The following L2HGDH variants were observed in gnomAD, a reference collection of about 807,000 sequenced individuals.
The protein encoded by L2HGDH is L-2-hydroxyglutarate dehydrogenase, also known as L-2-hydroxyglutarate dehydrogenase, mitochondrial.
Under a neutral mutation model 51.5 loss-of-function variants are expected in L2HGDH, and 34 were observed. That is an observed-to-expected ratio of 0.66 (90% CI 0.50 to 0.88). L2HGDH has a LOEUF of 0.88. Ranked by LOEUF, L2HGDH falls within the 40% of genes least tolerant of loss-of-function variation. The pLI is 0.00. For synonymous variants in L2HGDH, 198 were observed against 197.9 expected (o/e 1.00, Z -0.01); for missense variants, 558 against 571.9 (o/e 0.98, Z 0.25).
At chr14:50,286,699 T>C (rs530538518) in intron 4 of L2HGDH, among the ~76,000 whole-genome samples, 66 of 152,358 alleles carry the variant, frequency 4.3e-4, no homozygotes, top group African/African-American at 1.5e-3. Context: ...TGGAATCATA[T>C]AAAGTATATA....
intron 5 of L2HGDH, among the ~76,000 whole-genome samples, chr14:50,279,277 T>G (rs2140006261): frequency 6.6e-6 from 1 of 152,086 alleles, no homozygotes; most frequent in African/African-American, 2.4e-5. Flanking sequence ...CCTTCAAATT[T>G]CTCAACAGCA....
chr14:50,309,708 A>G (rs1205366034), intron 1 of L2HGDH, among the ~76,000 whole-genome samples: 1 of 147,240 alleles, frequency 6.8e-6, no homozygotes. Flanking sequence ...TTTTTAAGAG[A>G]GTCTTGCTCT....
chr14:50,268,991 G>A (rs1889510972), intron 7 of L2HGDH, among the ~76,000 whole-genome samples, 172 bp downstream of exon 7: 1 of 152,064 alleles, frequency 6.6e-6, no homozygotes, highest in African/African-American at 2.4e-5. Flanking sequence ...TAATAACCAT[G>A]ATACAGGGAT....
At position 50,265,377 on chromosome 14, in the gene L2HGDH, T is replaced by C. The variant is rs150157112; in HGVS notation, c.1177A>G (p.Thr393Ala). ...CCTTACCTAAGTATATCACTGATAG[T>C]AATTTCAGGGATGAATTTTTGAAGA... ...KYLQKFIPEI[T>A]ISDILRGPAG... Residue 393 changes from threonine (T) to alanine (A), a missense_variant, in exon 9 of 10, where the codon ACT becomes GCT. By Grantham distance (58) the Thr-to-Ala change is moderately conservative. Transcript: ENST00000267436. 3.1e-4 allele frequency: 497 copies of C among 1,611,704 alleles called. 2 individuals are homozygous for C. The highest frequency in any genetic ancestry group is 4.0e-4 in the Non-Finnish European group (473 of 1,177,868).
intron 6 of L2HGDH, among the ~76,000 whole-genome samples, chr14:50,272,266 T>A (rs1198320291): frequency 6.6e-6 from 1 of 152,216 alleles, no homozygotes; most frequent in Non-Finnish European, 1.5e-5. Context: ...CAACTCTGGG[T>A]ACAAAGTATA....
Position 50,247,158 on chromosome 14 carries a change from C to A in L2HGDH, c.1292G>T (p.Arg431Leu), listed in dbSNP as rs765823076. The change falls in exon 10 of 10, where the codon CGC becomes CTC. Residue 431 changes from arginine (R) to leucine (L), a missense_variant. Transcript: ENST00000267436. Reference protein sequence around the residue: ...FDAGVGDIGNRILHVRNAPSP... With the variant: ...FDAGVGDIGNLILHVRNAPSP... ...AGGTGCATTTCTCACATGAAGAATG[C>A]GATTTCCAATATCCCCAACTCCTGC... 1.2e-6 allele frequency: 2 copies of A among 1,614,068 alleles called. No homozygotes were observed. Among genetic ancestry groups the A allele is most frequent in the South Asian group, 2.2e-5 (2 of 91,078 alleles).
chr14:50,256,491 T>C (rs1178542247), intron 9 of L2HGDH, among the ~76,000 whole-genome samples: 2 of 148,122 alleles, frequency 1.4e-5, no homozygotes, highest in African/African-American at 5.0e-5. Context: ...CATTCTAGCC[T>C]GGGTGACAGG....
chr14:50,260,914 G>C (rs900466469), intron 9 of L2HGDH, among the ~76,000 whole-genome samples: 1 of 152,040 alleles, frequency 6.6e-6, no homozygotes, highest in Non-Finnish European at 1.5e-5. Context: ...TCAGGACTTT[G>C]AGACCAGCCA....
intron 5 of L2HGDH, among the ~76,000 whole-genome samples, chr14:50,278,931 A>G (rs1444425462): frequency 2.0e-5 from 3 of 152,234 alleles, no homozygotes; most frequent in Non-Finnish European, 4.4e-5. Context: ...TTGTCATCCA[A>G]GTGTTGGTTA....
chr14:50,253,312 C>A (rs956230291), intron 9 of L2HGDH, among the ~76,000 whole-genome samples: 2 of 151,982 alleles, frequency 1.3e-5, no homozygotes, highest in Non-Finnish European at 2.9e-5. Flanking sequence ...CTAGAATATA[C>A]AAGAAGCTCA....
At chr14:50,266,159 T>A (rs1213420273) in intron 8 of L2HGDH, among the ~76,000 whole-genome samples, 11 of 133,168 alleles carry the variant, frequency 8.3e-5, no homozygotes, top group African/African-American at 2.7e-4. Flanking sequence ...AAAAAAAAAA[T>A]ACAGAGGTAA....
At chr14:50,261,739 C>G (rs1889039016) in intron 9 of L2HGDH, among the ~76,000 whole-genome samples, 1 of 152,284 alleles carries the variant, frequency 6.6e-6, no homozygotes, top group South Asian at 2.1e-4. Flanking sequence ...CCACCTCAGC[C>G]TCCCAAAGCA....
chr14:50,302,487 G>C (rs189328633), intron 2 of L2HGDH, among the ~76,000 whole-genome samples: 225 of 152,288 alleles, frequency 1.5e-3, no homozygotes, highest in African/African-American at 4.9e-3. Context: ...GGCACGGGGT[G>C]CTCAACATCA....
chr14:50,301,432 C>T (rs923106297), intron 3 of L2HGDH, among the ~76,000 whole-genome samples: 1 of 152,138 alleles, frequency 6.6e-6, no homozygotes, highest in African/African-American at 2.4e-5. Context: ...ATATGTCTAT[C>T]AACTGATGAA....
intron 1 of L2HGDH, chr14:50,311,284 T>C: frequency 2.2e-6 from 1 of 453,524 alleles, no homozygotes; most frequent in Non-Finnish European, 4.4e-6. Flanking sequence ...TAAAATAAAC[T>C]AAAAACCTTG....
intron 2 of L2HGDH, among the ~76,000 whole-genome samples, chr14:50,302,607 C>T (rs1371749551): frequency 6.6e-6 from 1 of 152,176 alleles, no homozygotes; most frequent in East Asian, 1.9e-4. Context: ...AAGCTCACAG[C>T]CACAATCTTG....
chr14:50,307,333 C>G (rs1033185477), intron 1 of L2HGDH, among the ~76,000 whole-genome samples: 2 of 152,210 alleles, frequency 1.3e-5, no homozygotes, highest in African/African-American at 4.8e-5. Flanking sequence ...CTTCTCAAAT[C>G]TGAAGAATCA....
At chr14:50,291,197 C>CAAAAAAAAAAAAA (rs1159640500) in intron 4 of L2HGDH, among the ~76,000 whole-genome samples, 3 of 30,644 alleles carry the variant, frequency 9.8e-5, no homozygotes, top group Non-Finnish European at 2.1e-4. Flanking sequence ...GACTCCGTCT[C>CAAAAAAAAAAAAA]AAAAAAAAAA....
chr14:50,294,270 G>A (rs2029904567), intron 3 of L2HGDH, 24 bp from the exon 4 acceptor site: 2 of 1,605,402 alleles, frequency 1.2e-6, no homozygotes, highest in South Asian at 1.1e-5. Context: ...AAGGTAAGGA[G>A]CATGGATAGA....
Sources: allele counts gnomAD v4.1 joint callset (sites outside exome capture counted in the v4.1 genomes callset), GRCh38; gene constraint gnomAD v4.1.1; transcripts MANE v1.5; gene names NCBI Gene and HGNC (gene_info 2026-07-23, HGNC 2026-07-21).